Variants in CPLX1 observed in about 807,000 individuals in gnomAD.
The protein encoded by CPLX1 is complexin-1.
In CPLX1, 6 loss-of-function variants were observed where a neutral mutation model predicts 15.6. The observed-to-expected ratio is 0.39, with a 90% CI of 0.21 to 0.76. The LOEUF is 0.76. Ranked by LOEUF, CPLX1 falls within the 30% of genes least tolerant of loss-of-function variation. The probability of loss-of-function intolerance (pLI) is 0.43; values close to 1 mark genes in which losing one functional copy is unlikely to be tolerated. For synonymous variants in CPLX1, 91 were observed against 75.2 expected (o/e 1.21, Z -1.08); for missense variants, 242 against 188.6 (o/e 1.28, Z -1.66).
At chr4:803,377 T>A (rs914262318) in intron 2 of CPLX1, among the ~76,000 whole-genome samples, 2 of 151,668 alleles carry the variant, frequency 1.3e-5, no homozygotes, top group Non-Finnish European at 2.9e-5. Context: ...AGCACCGAAT[T>A]CTCACGGTGC....
At chr4:792,407 G>A (rs1746207629) in intron 3 of CPLX1, 26 bp downstream of exon 3, 4 of 1,499,296 alleles carry the variant, frequency 2.7e-6, no homozygotes, top group Non-Finnish European at 3.6e-6. Context: ...CCGCCTTCCC[G>A]CAGGCGGGGC....
intron 2 of CPLX1, among the ~76,000 whole-genome samples, chr4:810,102 T>C (rs1576994823): frequency 6.9e-6 from 1 of 145,024 alleles, no homozygotes; most frequent in Non-Finnish European, 1.5e-5. Context: ...CAGGCTGGAG[T>C]GCAGTGGCAT....
intron 3 of CPLX1, among the ~76,000 whole-genome samples, chr4:788,863 T>G (rs1308460080): frequency 6.6e-6 from 1 of 152,048 alleles, no homozygotes; most frequent in Non-Finnish European, 1.5e-5. Flanking sequence ...CTCAGGAACA[T>G]GTGTGTGCTC....
intron 3 of CPLX1, chr4:788,360 T>G (rs1440165812): frequency 1.0e-6 from 1 of 984,972 alleles, no homozygotes; most frequent in Non-Finnish European, 1.2e-6. Flanking sequence ...AGGGCCACCT[T>G]CAGTGAGATG....
chr4:809,252 C>A (rs1359605831), intron 2 of CPLX1, among the ~76,000 whole-genome samples: 1 of 152,238 alleles, frequency 6.6e-6, no homozygotes, highest in Admixed American at 6.5e-5. Context: ...CGCCTATAGA[C>A]AGTGGAACGG....
At chr4:802,005 T>C (rs560083633) in intron 2 of CPLX1, among the ~76,000 whole-genome samples, 1 of 152,224 alleles carries the variant, frequency 6.6e-6, no homozygotes, top group Non-Finnish European at 1.5e-5. Flanking sequence ...AGCATTTTCC[T>C]GTACAACTGA....
intron 2 of CPLX1, among the ~76,000 whole-genome samples, chr4:803,028 T>A (rs971936341): frequency 9.2e-5 from 14 of 152,002 alleles, no homozygotes; most frequent in African/African-American, 3.1e-4. Flanking sequence ...GGGCTAAAAC[T>A]TTTTTTGGGA....
chr4:812,417 C>T (rs1020642633), intron 2 of CPLX1, among the ~76,000 whole-genome samples: 2 of 152,084 alleles, frequency 1.3e-5, no homozygotes, highest in African/African-American at 4.8e-5. Flanking sequence ...GTATGTAGCA[C>T]AGAACTGGAT....
intron 3 of CPLX1, chr4:787,893 C>G: frequency 1.0e-6 from 1 of 985,410 alleles, no homozygotes; most frequent in African/African-American, 1.7e-5. Flanking sequence ...TTGGGCTGGC[C>G]TGGAAGGATT....
chr4:795,631 G>C (rs1229418263), intron 2 of CPLX1, among the ~76,000 whole-genome samples: 1 of 152,170 alleles, frequency 6.6e-6, no homozygotes, highest in East Asian at 1.9e-4. Context: ...GCTTCCCCCC[G>C]TGAGAGGTGG....
At chr4:811,870 G>T (rs188590838) in intron 2 of CPLX1, among the ~76,000 whole-genome samples, 1 of 152,120 alleles carries the variant, frequency 6.6e-6, no homozygotes, top group South Asian at 2.1e-4. Flanking sequence ...GACGTATGTT[G>T]GAACTCAGCT....
At chr4:818,545 T>G (rs1487527462) in intron 2 of CPLX1, among the ~76,000 whole-genome samples, 1 of 152,224 alleles carries the variant, frequency 6.6e-6, no homozygotes, top group Non-Finnish European at 1.5e-5. Context: ...TCACCTGGGA[T>G]GAGACGCTGA....
intron 2 of CPLX1, among the ~76,000 whole-genome samples, chr4:823,702 C>T (rs777425357): frequency 3.9e-5 from 6 of 152,224 alleles, no homozygotes; most frequent in Non-Finnish European, 7.3e-5. Context: ...TCTGCCGGGA[C>T]ACGTCTGTAC....
chr4:823,147 C>T (rs776802380), intron 2 of CPLX1, among the ~76,000 whole-genome samples: 2 of 152,174 alleles, frequency 1.3e-5, no homozygotes, highest in Admixed American at 6.5e-5. Context: ...ATTAATTATC[C>T]GTAACAGCCT....
intron 3 of CPLX1, among the ~76,000 whole-genome samples, chr4:789,840 G>T (rs13130087): frequency 0.32 from 48,843 of 151,426 alleles, 9,107 homozygotes; most frequent in African/African-American, 0.52. Flanking sequence ...CCAAGATGCC[G>T]GGGGGTGCCA....
chr4:793,149 C>T (rs1480169504), intron 2 of CPLX1, among the ~76,000 whole-genome samples: 2 of 152,170 alleles, frequency 1.3e-5, no homozygotes, highest in East Asian at 1.9e-4. Context: ...GGTCATGTGT[C>T]CAGCAGAGGC....
chr4:816,880 G>T (rs754921296), intron 2 of CPLX1, among the ~76,000 whole-genome samples: 3 of 152,170 alleles, frequency 2.0e-5, no homozygotes, highest in Non-Finnish European at 4.4e-5. Flanking sequence ...GTGTGCAGAA[G>T]TCCTGGAAGT....
rs1745989085 is a variant in CPLX1 at position 786,396 on chromosome 4, T to TTA, written c.*103_*104dup. ...GGCAGGGCGGGCCTGGGGCTATGGCTTATATCGGCGTGGGGGCTGCGCTCT... is the reference window on the plus strand; with the variant it reads ...GGCAGGGCGGGCCTGGGGCTATGGCTTATATATCGGCGTGGGGGCTGCGCTCT... On this transcript the variant is annotated 3_prime_UTR_variant, in exon 4 of 4. Transcript: ENST00000304062. 4 of 1,312,460 alleles carry TTA rather than the reference T, an allele frequency of 3.0e-6. No individual in the cohort carries two copies. The East Asian group carries it at 1.1e-4, about 36-fold the overall frequency. 81.3% of individuals were successfully genotyped at this position (1,312,460 alleles called of 1,614,324 possible).
intron 2 of CPLX1, among the ~76,000 whole-genome samples, chr4:814,052 G>A (rs991656368): frequency 1.3e-5 from 2 of 152,234 alleles, no homozygotes; most frequent in Admixed American, 1.3e-4. Flanking sequence ...GACCCAAGCC[G>A]GCGGCCAGAC....
Sources: allele counts gnomAD v4.1 joint callset (sites outside exome capture counted in the v4.1 genomes callset), GRCh38; gene constraint gnomAD v4.1.1; transcripts MANE v1.5; gene names NCBI Gene and HGNC (gene_info 2026-07-23, HGNC 2026-07-21).